Variants in PHLDB1 observed in about 807,000 individuals in gnomAD.
The protein encoded by PHLDB1 is pleckstrin homology-like domain family B member 1.
A neutral mutation model predicts 139.3 loss-of-function variants in PHLDB1; 65 were observed. The observed-to-expected ratio is 0.47, with a 90% CI of 0.38 to 0.57. The LOEUF (loss-of-function observed/expected upper bound fraction) is 0.57. PHLDB1 is among the 20% of genes least tolerant of loss of function. The pLI, the probability that PHLDB1 is intolerant of heterozygous loss-of-function variation, is 0.00. For synonymous variants in PHLDB1, 679 were observed against 734.5 expected (o/e 0.92, Z 1.22); for missense variants, 1,624 against 1,839.7 (o/e 0.88, Z 2.14).
intron 6 of PHLDB1, among the ~76,000 whole-genome samples, chr11:118,630,582 A>T (rs7936556): frequency 6.6e-6 from 1 of 151,922 alleles, no homozygotes; most frequent in African/African-American, 2.4e-5. Context: ...GTCTGCATAC[A>T]TGCCCACCTG....
In PHLDB1 at chr11:118,656,865, A is replaced by G. The variant is rs782775282; in HGVS notation, c.*42A>G. ...GGCAGAGCACAACTGGGGCTTTTGT[A>G]TAAGAAGACTTTAATATTCTGTAAG... On this transcript the variant is annotated 3_prime_UTR_variant, in exon 23 of 23. Coordinates refer to ENST00000600882, the MANE Select transcript of PHLDB1 (RefSeq NM_001144758.3). 1.3e-6 allele frequency: 2 copies of G among 1,563,654 alleles called. No homozygotes were observed. The highest frequency in any genetic ancestry group is 1.8e-6 in the Non-Finnish European group (2 of 1,141,732).
At chr11:118,643,245 A>G (rs1306914703) in intron 13 of PHLDB1, among the ~76,000 whole-genome samples, 1 of 152,248 alleles carries the variant, frequency 6.6e-6, no homozygotes, top group Non-Finnish European at 1.5e-5. Flanking sequence ...ACTGGGGCCT[A>G]GAGAAGATAA....
intron 20 of PHLDB1, chr11:118,652,443 G>C (rs1197303066): frequency 6.6e-6 from 1 of 152,264 alleles, no homozygotes; most frequent in Non-Finnish European, 1.5e-5. Context: ...AGTAATAGTT[G>C]AATCAGGTGG....
chr11:118,628,765 G>A, intron 6 of PHLDB1, 115 bp downstream of exon 6: 2 of 900,730 alleles, frequency 2.2e-6, no homozygotes, highest in Non-Finnish European at 3.3e-6. Context: ...GCTTCTCAAG[G>A]TTCCCCACCT....
At chr11:118,642,859 C>A (rs80073183) in intron 13 of PHLDB1, among the ~76,000 whole-genome samples, 1 of 152,214 alleles carries the variant, frequency 6.6e-6, no homozygotes, top group Admixed American at 6.5e-5. Context: ...AAGCAGAAAA[C>A]AAAGGGCAAA....
rs1243291679 is a variant in PHLDB1, at chr11:118,620,356, T to C, written c.355+4145T>C. ...AAAAATACAAAATTTGCTGGGTGTGTGGTGGCGCATGCCTGTAGTCCCAGC... is the reference window on the plus strand; with the variant it reads ...AAAAATACAAAATTTGCTGGGTGTGCGGTGGCGCATGCCTGTAGTCCCAGC... On this transcript the variant is annotated intron_variant, in intron 4 of 22. Coordinates refer to ENST00000600882, the MANE Select transcript of PHLDB1 (RefSeq NM_001144758.3). The surrounding 1 kb of genome is among the most constrained non-coding windows in gnomAD (Gnocchi z 4.1). Among the ~76,000 whole-genome samples, 2 of 152,142 alleles carry C rather than the reference T, an allele frequency of 1.3e-5. No individual in the cohort carries two copies. Among genetic ancestry groups the C allele is most frequent in the African/African-American group, 4.8e-5 (2 of 41,424 alleles).
At chr11:118,618,813 C>G (rs1205432217) in intron 4 of PHLDB1, among the ~76,000 whole-genome samples, 1 of 151,670 alleles carries the variant, frequency 6.6e-6, no homozygotes, top group Non-Finnish European at 1.5e-5. Flanking sequence ...ATGCATCATT[C>G]TGGGCACTGT....
chr11:118,628,215 GT>G lies in PHLDB1; in HGVS notation c.1393del (p.Ser465ProfsTer18). On this transcript the variant is annotated frameshift_variant, in exon 6 of 23. Coordinates refer to ENST00000600882, the MANE Select transcript of PHLDB1 (RefSeq NM_001144758.3). LOFTEE classifies it high-confidence loss of function. Reference sequence around the variant, plus strand: ...AACTACCCCCCTTAAGTCCATCTCTGTCCCGGCGAGCTCTCTCCCCGCTGCC... The same window carrying G: ...AACTACCCCCCTTAAGTCCATCTCTGCCCGGCGAGCTCTCTCCCCGCTGCC... The part of the protein sequence containing the change: ...RELPPLSPSL[S>X]RRALSPLPTR... 6.2e-7 allele frequency: 1 copy of G among 1,614,072 alleles called. No homozygotes were observed. The highest frequency in any genetic ancestry group is 8.5e-7 in the Non-Finnish European group (1 of 1,180,000).
intron 1 of PHLDB1, among the ~76,000 whole-genome samples, chr11:118,609,334 A>T (rs1232089696): frequency 2.2e-5 from 3 of 137,548 alleles, no homozygotes; most frequent in African/African-American, 5.3e-5. Context: ...AGCCCAGCTC[A>T]CACACACAGC....
At chr11:118,642,069 C>G in intron 12 of PHLDB1, 185 bp from the exon 13 acceptor site, 1 of 675,748 alleles carries the variant, frequency 1.5e-6, no homozygotes, top group Non-Finnish European at 2.6e-6. Flanking sequence ...CTTCCTTCCT[C>G]CCCTTCTTCC....
At chr11:118,644,021 TG>T in intron 14 of PHLDB1, 50 bp from the exon 15 acceptor site, 2 of 1,605,524 alleles carry the variant, frequency 1.2e-6, no homozygotes, top group Non-Finnish European at 1.7e-6. Flanking sequence ...ACCTTGGGAA[TG>T]GGGGTAAGGG....
rs782303831 is a variant in PHLDB1, at chr11:118,631,493, G to A, written c.2100+14G>A. ...ACCCAGCAGGAGGTGAGATGGAGGG[G>A]TAGGCAAGACAAAGAGGCTGAAGTT... On this transcript the variant is annotated intron_variant, in intron 7 of 22. Coordinates refer to ENST00000600882, the MANE Select transcript of PHLDB1 (RefSeq NM_001144758.3). 7.0e-7 allele frequency: 1 copy of A among 1,423,088 alleles called. No individual in the cohort carries two copies. The highest frequency in any genetic ancestry group is 9.1e-7 in the Non-Finnish European group (1 of 1,092,938). The allele number at this position is 1,423,088 out of a possible 1,614,324, so 88.2% of individuals were successfully genotyped here. A position where few individuals can be genotyped will look rare whatever the true frequency, so the allele number is the denominator to read the frequency against.
At position 118,645,970 on chromosome 11, in the gene PHLDB1, T is replaced by C. The variant is rs2136793862; in HGVS notation, c.3507+145T>C. 1.5e-6 allele frequency: 1 copy of C among 676,628 alleles called. No individual in the cohort carries two copies. Among genetic ancestry groups the C allele is most frequent in the Non-Finnish European group, 2.7e-6 (1 of 376,388 alleles). 41.9% of individuals were successfully genotyped at this position (676,628 alleles called of 1,614,324 possible). On this transcript the variant is annotated intron_variant, in intron 17 of 22. Coordinates refer to ENST00000600882, the MANE Select transcript of PHLDB1 (RefSeq NM_001144758.3). The surrounding 1 kb of genome is among the most constrained non-coding windows in gnomAD (Gnocchi z 5.1). ...TTGGGGTAGAAAATGTTTTAAAAGG[T>C]TGTATTCTGGCCGGGCGCGGTGGCT...
Position 118,624,944 on chromosome 11 carries a change from G to A in PHLDB1, c.366G>A (p.Leu122=), listed in dbSNP as rs1555099496. 6.2e-7 allele frequency: 1 copy of A among 1,614,060 alleles called. No homozygotes were observed. The highest frequency in any genetic ancestry group is 1.3e-5 in the African/African-American group (1 of 75,018). Residue 122 remains leucine, a synonymous_variant, in exon 5 of 23, where the codon TTG becomes TTA. Coordinates refer to ENST00000600882, the MANE Select transcript of PHLDB1 (RefSeq NM_001144758.3). ...QPTRLTQGCM[L]CLGQSTFLRF... Reference sequence around the variant, plus strand: ...TTGCTTTCTCTGCAGGCTGCATGTTGTGCCTGGGTCAGTCCACCTTCCTTC... The same window carrying A: ...TTGCTTTCTCTGCAGGCTGCATGTTATGCCTGGGTCAGTCCACCTTCCTTC...
At chr11:118,637,527 G>A (rs1308803031) in intron 10 of PHLDB1, 1 of 152,156 alleles carries the variant, frequency 6.6e-6, no homozygotes, top group African/African-American at 2.4e-5. Flanking sequence ...TGTATTTTTG[G>A]AAGAGGTGGG....
intron 5 of PHLDB1, 96 bp downstream of exon 5, chr11:118,625,155 G>A: frequency 1.4e-6 from 2 of 1,408,336 alleles, no homozygotes; most frequent in South Asian, 2.8e-5. Context: ...GTTAGGGCAA[G>A]ACAATACCTA....
At position 118,620,027 on chromosome 11, in the gene PHLDB1, G is replaced by A. The variant is rs1378581764; in HGVS notation, c.355+3816G>A. On this transcript the variant is annotated intron_variant, in intron 4 of 22. Transcript: ENST00000600882. The surrounding 1 kb of genome is among the most constrained non-coding windows in gnomAD (Gnocchi z 4.1). ...GTGACTCAGAGCATGCAGAGATGAA[G>A]TAGTGTCAGTGTGACTGAGCAAGTG... 1.3e-5 allele frequency among the ~76,000 whole-genome samples: 2 copies of A among 152,198 alleles called. No individual in the cohort carries two copies. Among genetic ancestry groups the A allele is most frequent in the African/African-American group, 4.8e-5 (2 of 41,440 alleles).
rs1555123964 is a variant in PHLDB1, at chr11:118,643,895, C to T, written c.2973C>T (p.Ser991=). 1.2e-6 allele frequency: 2 copies of T among 1,611,542 alleles called. No individual in the cohort carries two copies. Among genetic ancestry groups the T allele is most frequent in the Admixed American group, 1.7e-5 (1 of 59,814 alleles). The part of the protein sequence containing the change: ...LPSSSGSSSS[S]SQLSVATLGR... Reference sequence around the variant, plus strand: ...CCTCCTCTGGCTCTTCCTCCTCCTCCTCCCAGCTCAGCGTGGCTACCCTGG... The same window carrying T: ...CCTCCTCTGGCTCTTCCTCCTCCTCTTCCCAGCTCAGCGTGGCTACCCTGG... The change falls in exon 14 of 23, where the codon TCC becomes TCT. Residue 991 remains serine (S), a synonymous_variant. Transcript: ENST00000600882.
At position 118,632,045 on chromosome 11, in the gene PHLDB1, G is replaced by A. The variant is rs782576855; in HGVS notation, c.2233G>A (p.Ala745Thr). Residue 745 changes from alanine to threonine, a missense_variant, in exon 8 of 23, where the codon GCC (alanine) becomes ACC (threonine). Coordinates refer to ENST00000600882, the MANE Select transcript of PHLDB1 (RefSeq NM_001144758.3). This position sits in a 1 kb window ranked among gnomAD's most constrained non-coding sequence, Gnocchi z 5.9. ...KELEQQLQESAREAEMERALL... is the reference protein window; with the variant it reads ...KELEQQLQESTREAEMERALL... ...GCTAGAGCAGCAGCTGCAGGAGTCAGCCCGAGAGGTGAGCCGTGAAGTCCC... is the reference window on the plus strand; with the variant it reads ...GCTAGAGCAGCAGCTGCAGGAGTCAACCCGAGAGGTGAGCCGTGAAGTCCC... 5.0e-6 allele frequency: 8 copies of A among 1,613,830 alleles called. No individual in the cohort carries two copies. Among genetic ancestry groups the A allele is most frequent in the Admixed American group, 1.7e-5 (1 of 60,000 alleles).
Sources: gnomAD v4.1 joint callset for allele counts (sites outside exome capture counted in the v4.1 genomes callset) on GRCh38, gnomAD v4.1.1 for gene constraint, Gnocchi (gnomAD v3.1) non-coding constraint, MANE v1.5 for transcripts, NCBI Gene and HGNC (gene_info 2026-07-23, HGNC 2026-07-21) for gene names.